The following PABIR3 variants were observed in gnomAD, a reference collection of about 807,000 sequenced individuals.
The protein encoded by PABIR3 is PABIR family member 1.
A neutral mutation model predicts 23.1 loss-of-function variants in PABIR3; 20 were observed. The observed-to-expected ratio is 0.86, with a 90% CI of 0.61 to 1.26. PABIR3 has a LOEUF of 1.26. Ranked by LOEUF, PABIR3 falls within the 50% of genes most tolerant of loss-of-function variation. PABIR3 has a pLI of 0.00. For missense variants in PABIR3, 189 were observed against 195.4 expected (o/e 0.97, Z 0.20); for synonymous variants, 69 against 68.5 (o/e 1.01, Z -0.04).
chrX:134,804,197 C>G, upstream of PABIR3: 3 of 1,150,091 alleles, frequency 2.6e-6, no homozygotes, highest in Non-Finnish European at 3.5e-6. Flanking sequence ...GTCCCAAGAT[C>G]ATGGCATATT....
At chrX:134,836,561 C>T (rs746323974) in intron 4 of PABIR3, among the ~76,000 whole-genome samples, 1 of 112,217 alleles carries the variant, frequency 8.9e-6, no homozygotes, top group Admixed American at 9.5e-5. Context: ...TTGTTGATGG[C>T]TATCTTCATG....
At chrX:134,804,223 G>A (rs1346799656), upstream of PABIR3, 1 of 1,151,669 alleles carries the variant, frequency 8.7e-7, no homozygotes, top group Non-Finnish European at 1.2e-6. Flanking sequence ...GGAACTGGAA[G>A]GACTGATCAA....
upstream of PABIR3, among the ~76,000 whole-genome samples, chrX:134,802,848 G>A (rs1603115687): frequency 8.9e-6 from 1 of 112,904 alleles, no homozygotes; most frequent in Middle Eastern, 4.6e-3. Flanking sequence ...CTGGAAGACT[G>A]AAAAGTAAAG....
chrX:134,854,550 A>AG lies in PABIR3; in HGVS notation c.*333_*334insG, dbSNP rs1376746025. ...ACTTTTTAAAATAATCTTATGAAAC[A>AG]TAATTCTGATAAAATATAATTGTTC... On this transcript the variant is annotated 3_prime_UTR_variant, in exon 11 of 11. Transcript: ENST00000645433. The AG allele has an allele frequency of 6.8e-6, 1 of 147,739 alleles. No individual in the cohort carries two copies. Among genetic ancestry groups the AG allele is most frequent in the Non-Finnish European group, 1.3e-5 (1 of 77,256 alleles). The allele number at this position is 147,739 out of a possible 1,213,427, so 12.2% of individuals were successfully genotyped here.
At chrX:134,813,021 T>C (rs971925001) in intron 2 of PABIR3, among the ~76,000 whole-genome samples, 1 of 111,967 alleles carries the variant, frequency 8.9e-6, no homozygotes, top group Non-Finnish European at 1.9e-5. Context: ...TACTGTACTC[T>C]GAGATTGTTA....
At chrX:134,806,399 T>C (rs1446373472), upstream of PABIR3, among the ~76,000 whole-genome samples, 1 of 110,872 alleles carries the variant, frequency 9.0e-6, no homozygotes, top group Non-Finnish European at 1.9e-5. Context: ...GCGGATCACC[T>C]GAGGTCCAGG....
intron 8 of PABIR3, 103 bp downstream of exon 8, chrX:134,848,074 A>G: frequency 2.9e-6 from 2 of 691,387 alleles, no homozygotes; most frequent in South Asian, 2.7e-5. Flanking sequence ...CAAAGAAGTG[A>G]CTTCTTTTTA....
At chrX:134,799,973 T>C (rs186461551) in intron 1 of PABIR3, 9 of 104,060 alleles carry the variant, frequency 8.6e-5, no homozygotes, top group African/African-American at 3.2e-4. Context: ...AAAAAAATCC[T>C]TTCTCATATA....
intron 3 of PABIR3, among the ~76,000 whole-genome samples, chrX:134,826,902 C>CT (rs1312048920): frequency 2.7e-5 from 3 of 112,313 alleles, no homozygotes; most frequent in Non-Finnish European, 3.8e-5. Context: ...AAAATTCAGA[C>CT]TATCTGCTTC....
chrX:134,853,028 T>A (rs1419332288), intron 10 of PABIR3, 132 bp downstream of exon 10: 1 of 354,397 alleles, frequency 2.8e-6, no homozygotes. Context: ...AAACTAATAT[T>A]CCAAGTGGAT....
At chrX:134,862,390 T>G in the PABIR3 span, among the ~76,000 whole-genome samples, 1 of 111,285 alleles carries the variant, frequency 9.0e-6, no homozygotes, top group Admixed American at 9.6e-5. Context: ...CTTCAGGTGA[T>G]CTGCCCGCCT....
rs752986755 is a variant in PABIR3, at chrX:134,829,254, C to G, written c.218C>G (p.Ser73Cys). ...LLLPPPPFHG[S>C]ISRLHQIKQE... ...TTGCCACCTCCTCCCTTTCATGGTT[C>G]CATCAGCCGCCTTCATCAAATCAAA... The change falls in exon 4 of 11, where the codon TCC (serine) becomes TGC (cysteine). Residue 73 changes from serine (S) to cysteine (C), a missense_variant. Physicochemically the swap from Ser to Cys is moderately radical, Grantham distance 112 (BLOSUM62 -1). Coordinates refer to ENST00000645433, the MANE Select transcript of PABIR3 (RefSeq NM_001388447.1). 10 of 1,206,324 alleles carry G rather than the reference C, an allele frequency of 8.3e-6. No homozygotes were observed. The Admixed American group carries it at 1.3e-4, about 16-fold the overall frequency.
intron 4 of PABIR3, chrX:134,839,750 C>G (rs1363248777): frequency 8.7e-6 from 1 of 115,068 alleles, no homozygotes; most frequent in African/African-American, 3.3e-5. Context: ...GGGGTCAGCC[C>G]CCCGCCCGGC....
intron 4 of PABIR3, among the ~76,000 whole-genome samples, chrX:134,834,428 G>C (rs1286245748): frequency 3.6e-5 from 4 of 112,090 alleles, no homozygotes; most frequent in Non-Finnish European, 7.5e-5. Flanking sequence ...CAGATGGGTA[G>C]ATTGCAAAAC....
intron 4 of PABIR3, among the ~76,000 whole-genome samples, chrX:134,831,235 T>G (rs777678137): frequency 4.9e-4 from 54 of 109,477 alleles, no homozygotes; most frequent in Non-Finnish European, 8.6e-4. Flanking sequence ...CCCGGCTAAT[T>G]TTTTTGTATT....
intron 1 of PABIR3, chrX:134,796,879 G>A (rs947677591): frequency 8.9e-6 from 1 of 111,853 alleles, no homozygotes; most frequent in Non-Finnish European, 1.9e-5. Flanking sequence ...GACCCGGCCG[G>A]GCGGCCTTGG....
intron 1 of PABIR3, among the ~76,000 whole-genome samples, chrX:134,800,662 C>T (rs2080041982): frequency 9.3e-6 from 1 of 107,999 alleles, no homozygotes; most frequent in South Asian, 4.0e-4. Flanking sequence ...TGGTGGTGCT[C>T]GTCTGTAGTC....
At chrX:134,812,725 C>T (rs1336756985) in intron 2 of PABIR3, among the ~76,000 whole-genome samples, 2 of 110,977 alleles carry the variant, frequency 1.8e-5, no homozygotes, top group Non-Finnish European at 3.8e-5. Flanking sequence ...TTGAGATGGG[C>T]CTTCATGGAT....
chrX:134,801,710 A>G (rs754933061), intron 1 of PABIR3, among the ~76,000 whole-genome samples: 4 of 112,103 alleles, frequency 3.6e-5, no homozygotes, highest in Non-Finnish European at 5.6e-5. Context: ...AAAGCAGCCA[A>G]CAGTTGAGCC....
Sources: allele counts gnomAD v4.1 joint callset (sites outside exome capture counted in the v4.1 genomes callset), GRCh38; gene constraint gnomAD v4.1.1; transcripts MANE v1.5; gene names NCBI Gene and HGNC (gene_info 2026-07-23, HGNC 2026-07-21).